SH3PXD2A: variants seen among roughly 807,000 people sequenced by gnomAD.
SH3PXD2A encodes the protein SH3 and PX domain-containing protein 2A.
SH3PXD2A carries 32 observed loss-of-function variants against 115.2 expected under a neutral mutation model. That is an observed-to-expected ratio of 0.28 (90% CI 0.21 to 0.37). The LOEUF (loss-of-function observed/expected upper bound fraction) is 0.37, where lower values mean the gene tolerates loss of function less well. Ranked by LOEUF, SH3PXD2A falls within the 10% of genes least tolerant of loss-of-function variation. The pLI is 1.00. For missense variants in SH3PXD2A, 1,328 were observed against 1,498.7 expected (o/e 0.89, Z 1.88); for synonymous variants, 610 against 629.1 (o/e 0.97, Z 0.45).
intron 8 of SH3PXD2A, among the ~76,000 whole-genome samples, chr10:103,633,677 G>A (rs1483193198): frequency 7.8e-6 from 1 of 128,014 alleles, no homozygotes; most frequent in Non-Finnish European, 1.6e-5. Context: ...TCAGTGAGCC[G>A]AGATCATGCC....
At chr10:103,805,908 C>G (rs981154701) in intron 1 of SH3PXD2A, among the ~76,000 whole-genome samples, 6 of 152,198 alleles carry the variant, frequency 3.9e-5, no homozygotes, top group African/African-American at 1.4e-4. Context: ...TCTGTTTAAC[C>G]CTTGGCCTAA....
At chr10:103,648,927 T>C (rs1199393203) in intron 8 of SH3PXD2A, among the ~76,000 whole-genome samples, 1 of 152,316 alleles carries the variant, frequency 6.6e-6, no homozygotes, top group East Asian at 1.9e-4. Context: ...TCCAGAAATT[T>C]AATCTGTGAT....
intron 2 of SH3PXD2A, among the ~76,000 whole-genome samples, chr10:103,779,592 C>T (rs11191805): frequency 1.3e-5 from 2 of 151,940 alleles, no homozygotes; most frequent in Admixed American, 6.6e-5. Context: ...TGCTGAGCAG[C>T]GAAGGAACAC....
intron 1 of SH3PXD2A, among the ~76,000 whole-genome samples, chr10:103,840,774 A>G (rs187865627): frequency 2.0e-5 from 3 of 152,322 alleles, no homozygotes; most frequent in Non-Finnish European, 2.9e-5. Flanking sequence ...AGTCTGTTGC[A>G]AGGATTAAAT....
At chr10:103,636,270 G>T (rs922238860) in intron 8 of SH3PXD2A, among the ~76,000 whole-genome samples, 1 of 152,092 alleles carries the variant, frequency 6.6e-6, no homozygotes, top group African/African-American at 2.4e-5. Context: ...TTAGCCGGGC[G>T]TGGTGGCGGG....
intron 3 of SH3PXD2A, among the ~76,000 whole-genome samples, chr10:103,762,393 T>C (rs1476135804): frequency 1.3e-5 from 2 of 152,264 alleles, no homozygotes; most frequent in East Asian, 3.9e-4. Context: ...ATAAGGGCCT[T>C]GTCTCAAAGG....
At chr10:103,849,506 C>T (rs754136388) in intron 1 of SH3PXD2A, among the ~76,000 whole-genome samples, 9 of 152,162 alleles carry the variant, frequency 5.9e-5, no homozygotes, top group Admixed American at 1.3e-4. Flanking sequence ...TCAGTCTCTG[C>T]GGCTGATATG....
chr10:103,758,899 CTG>C (rs1389229929), intron 3 of SH3PXD2A, among the ~76,000 whole-genome samples: 2 of 152,210 alleles, frequency 1.3e-5, no homozygotes, highest in Non-Finnish European at 2.9e-5. Flanking sequence ...CCCAGGTCAC[CTG>C]TGGGACCCAG....
Position 103,810,647 on chromosome 10 carries a change from C to T in SH3PXD2A, c.73-9285G>A, listed in dbSNP as rs576954150. Among the ~76,000 whole-genome samples, 238 of 152,086 alleles carry T rather than the reference C, an allele frequency of 1.6e-3. 1 individual carries two copies. The highest frequency in any genetic ancestry group is 5.3e-3 in the African/African-American group (221 of 41,474). On this transcript the variant is annotated intron_variant, in intron 1 of 14. Coordinates refer to ENST00000369774, the MANE Select transcript of SH3PXD2A (RefSeq NM_001394015.1). The stretch of plus-strand genomic sequence containing the variant: ...GAGTGTCTCGTTAAATGTGGTGATA[C>T]CCATGGGGCACCGAGCACAGGGCCT...
At chr10:103,707,784 CTGGGATT>C (rs1317596239) in intron 5 of SH3PXD2A, among the ~76,000 whole-genome samples, 2 of 152,126 alleles carry the variant, frequency 1.3e-5, no homozygotes, top group Non-Finnish European at 2.9e-5. Context: ...AGTGGCAGAG[CTGGGATT>C]TGACTCCAGT....
intron 5 of SH3PXD2A, among the ~76,000 whole-genome samples, chr10:103,709,535 G>A (rs1237434358): frequency 6.6e-6 from 1 of 152,202 alleles, no homozygotes; most frequent in African/African-American, 2.4e-5. Context: ...GTCGTGTTTT[G>A]TGGGCGCTAA....
intron 5 of SH3PXD2A, among the ~76,000 whole-genome samples, chr10:103,713,897 C>G (rs1261599404): frequency 3.3e-5 from 5 of 152,226 alleles, no homozygotes; most frequent in Non-Finnish European, 7.3e-5. Flanking sequence ...TATCCTCCCC[C>G]TTAGACCACC....
At chr10:103,823,147 C>T (rs900724149) in intron 1 of SH3PXD2A, among the ~76,000 whole-genome samples, 1 of 152,190 alleles carries the variant, frequency 6.6e-6, no homozygotes, top group African/African-American at 2.4e-5. Flanking sequence ...ATGTTTTTGG[C>T]AGGATCCATC....
chr10:103,772,745 G>A (rs1427864334), intron 2 of SH3PXD2A, among the ~76,000 whole-genome samples: 1 of 152,192 alleles, frequency 6.6e-6, no homozygotes. Context: ...CCCAGCTGGG[G>A]CACATCTGTA....
At chr10:103,658,426 T>G (rs975866238) in intron 8 of SH3PXD2A, among the ~76,000 whole-genome samples, 1 of 152,190 alleles carries the variant, frequency 6.6e-6, no homozygotes, top group African/African-American at 2.4e-5. Flanking sequence ...GTTCCTGAGT[T>G]CAAAAGCCTC....
chr10:103,774,101 C>A (rs1198956315), intron 2 of SH3PXD2A, among the ~76,000 whole-genome samples: 2 of 152,258 alleles, frequency 1.3e-5, no homozygotes, highest in Non-Finnish European at 2.9e-5. Flanking sequence ...TGATAATTTT[C>A]ACAATATTTG....
chr10:103,766,795 A>T (rs1049931369), intron 3 of SH3PXD2A, among the ~76,000 whole-genome samples: 3 of 152,160 alleles, frequency 2.0e-5, no homozygotes, highest in Non-Finnish European at 4.4e-5. Flanking sequence ...CCATTCATAG[A>T]ACTTGGTCTC....
intron 3 of SH3PXD2A, among the ~76,000 whole-genome samples, chr10:103,745,211 C>T (rs911480607): frequency 7.2e-5 from 11 of 152,238 alleles, no homozygotes; most frequent in African/African-American, 2.7e-4. Flanking sequence ...ATTAAGTCAA[C>T]AGAAAAGACA....
intron 2 of SH3PXD2A, among the ~76,000 whole-genome samples, chr10:103,799,936 G>A (rs1039896237): frequency 6.6e-6 from 1 of 152,146 alleles, no homozygotes; most frequent in Non-Finnish European, 1.5e-5. Context: ...AATACAGGAA[G>A]CTAGGTCACC....
Sources: allele counts gnomAD v4.1 joint callset (sites outside exome capture counted in the v4.1 genomes callset), GRCh38; gene constraint gnomAD v4.1.1; transcripts MANE v1.5; gene names NCBI Gene and HGNC (gene_info 2026-07-23, HGNC 2026-07-21).